The following RBFOX1 variants were observed in gnomAD, a reference collection of about 807,000 sequenced individuals.
RBFOX1 encodes the protein RNA binding protein fox-1 homolog 1.
RBFOX1 carries 8 observed loss-of-function variants against 57.7 expected under a neutral mutation model. The ratio of observed to expected loss-of-function variants is 0.14; its 90% CI spans 0.08 to 0.25. RBFOX1 has a LOEUF of 0.25. Among genes scored for constraint, RBFOX1 ranks in the 10% least tolerant of loss-of-function variants. The probability of loss-of-function intolerance (pLI) is 1.00; values close to 1 mark genes in which losing one functional copy is unlikely to be tolerated. For missense variants in RBFOX1, 611 were observed against 548.5 expected (o/e 1.11, Z -1.14); for synonymous variants, 326 against 222.4 (o/e 1.47, Z -4.15).
In RBFOX1 at chr16:5,387,919, C is replaced by G. The variant is rs940744115; in HGVS notation, c.220-79297C>G. Among the ~76,000 whole-genome samples the G allele has an allele frequency of 6.6e-5, 10 of 152,164 alleles. 1 individual carries two copies. In the South Asian group the frequency reaches 8.3e-4, roughly 13 times the overall value. The stretch of plus-strand genomic sequence containing the variant: ...ACAGCAGGCTCAGAATCAGAGCGAT[C>G]TCATGGGAGAGAAACTCCGTGGTCT... On this transcript the variant is annotated intron_variant, in intron 1 of 2. Coordinates refer to the RBFOX1 transcript ENST00000585867.
At chr16:6,695,955 C>T (rs1485245665) in intron 3 of RBFOX1, among the ~76,000 whole-genome samples, 1 of 152,112 alleles carries the variant, frequency 6.6e-6, no homozygotes, top group Non-Finnish European at 1.5e-5. Context: ...AACCACATTG[C>T]AATAAGCTTT....
At position 7,216,454 on chromosome 16, in the gene RBFOX1, A is replaced by C. The variant is rs530131755; in HGVS notation, c.27+164356A>C. The stretch of plus-strand genomic sequence containing the variant: ...AGGATTGCTTGAGACCGAAAGTTCT[A>C]GACCAGTCTGGGAGTCAGAGTGAGA... On this transcript the variant is annotated intron_variant, in intron 4 of 15. Coordinates refer to ENST00000550418, the MANE Select transcript of RBFOX1 (RefSeq NM_018723.4). Among the ~76,000 whole-genome samples, 8 of 152,286 alleles carry C rather than the reference A, an allele frequency of 5.3e-5. No individual in the cohort carries two copies. The South Asian group carries it at 1.5e-3, about 28-fold the overall frequency.
chr16:5,965,858 G>C (rs576108887), intron 4 of RBFOX1, among the ~76,000 whole-genome samples: 2 of 151,952 alleles, frequency 1.3e-5, no homozygotes, highest in African/African-American at 4.8e-5. Context: ...GTCTTTCTAC[G>C]TCAATCCTCC....
intron 4 of RBFOX1, among the ~76,000 whole-genome samples, chr16:5,959,216 AG>A (rs1488961141): frequency 3.3e-5 from 5 of 152,142 alleles, no homozygotes; most frequent in African/African-American, 1.2e-4. Flanking sequence ...TGCTCACTTG[AG>A]TTTAACCATT....
intron 4 of RBFOX1, among the ~76,000 whole-genome samples, chr16:7,417,279 A>G (rs2098487794): frequency 6.6e-6 from 1 of 150,464 alleles, no homozygotes; most frequent in Non-Finnish European, 1.5e-5. Context: ...AAACTGAGAC[A>G]GGGGAATCAC....
At chr16:6,361,617 G>C (rs1284292347) in intron 2 of RBFOX1, among the ~76,000 whole-genome samples, 1 of 145,490 alleles carries the variant, frequency 6.9e-6, no homozygotes, top group African/African-American at 2.7e-5. Flanking sequence ...GACACATTGA[G>C]ACTCTGTCTC....
chr16:6,107,952 C>T (rs991242681), intron 1 of RBFOX1, among the ~76,000 whole-genome samples: 12 of 151,984 alleles, frequency 7.9e-5, no homozygotes, highest in African/African-American at 2.7e-4. Flanking sequence ...GCCTTTCTTG[C>T]CTTATCAATT....
At chr16:6,633,647 C>T (rs1252834618) in intron 2 of RBFOX1, among the ~76,000 whole-genome samples, 1 of 152,042 alleles carries the variant, frequency 6.6e-6, no homozygotes, top group African/African-American at 2.4e-5. Flanking sequence ...TAAAGGAAGT[C>T]AAGTAGTTAC....
intron 3 of RBFOX1, among the ~76,000 whole-genome samples, chr16:6,697,330 G>A (rs1235960196): frequency 6.6e-6 from 1 of 152,088 alleles, no homozygotes; most frequent in Non-Finnish European, 1.5e-5. Context: ...CTTGCCAGAG[G>A]AAGTCATATT....
intron 2 of RBFOX1, among the ~76,000 whole-genome samples, chr16:6,637,310 T>TTATGTTA (rs2098449228): frequency 2.0e-5 from 1 of 50,822 alleles, no homozygotes; most frequent in Non-Finnish European, 3.2e-5. Flanking sequence ...CAAATATATA[T>TTATGTTA]TATATATTAT....
rs2096178749 is a variant in RBFOX1 at position 7,306,135 on chromosome 16, A to G, written c.28-212012A>G. Among the ~76,000 whole-genome samples, 3 of 152,100 alleles carry G rather than the reference A, an allele frequency of 2.0e-5. No individual in the cohort carries two copies. The South Asian group carries it at 6.2e-4, about 32-fold the overall frequency. On this transcript the variant is annotated intron_variant, in intron 4 of 15. Coordinates refer to ENST00000550418, the MANE Select transcript of RBFOX1 (RefSeq NM_018723.4). The stretch of plus-strand genomic sequence containing the variant: ...AGCAAGTAGAATGCTATAGGTACTC[A>G]ATGTTCTCCGTTCCTTTGTGTGGTG...
intron 3 of RBFOX1, among the ~76,000 whole-genome samples, chr16:5,849,163 A>T (rs970448616): frequency 6.6e-6 from 1 of 151,814 alleles, no homozygotes; most frequent in African/African-American, 2.4e-5. Flanking sequence ...CATTGAACTC[A>T]TATTTCTTCT....
At chr16:5,402,588 T>A (rs1279953580) in intron 1 of RBFOX1, among the ~76,000 whole-genome samples, 1 of 152,244 alleles carries the variant, frequency 6.6e-6, no homozygotes, top group Admixed American at 6.5e-5. Flanking sequence ...TTCAGTTGAT[T>A]CCCTTGGGAA....
chr16:5,264,151 G>T (rs1000626442), intron 1 of RBFOX1, among the ~76,000 whole-genome samples: 1 of 152,088 alleles, frequency 6.6e-6, no homozygotes, highest in African/African-American at 2.4e-5. Flanking sequence ...GAGGGATGAG[G>T]AGGCAGGAGA....
At chr16:5,693,171 T>C (rs763401949) in intron 3 of RBFOX1, among the ~76,000 whole-genome samples, 1 of 152,132 alleles carries the variant, frequency 6.6e-6, no homozygotes, top group Non-Finnish European at 1.5e-5. Flanking sequence ...TTGCTTTCCC[T>C]TCCCTGAGAT....
intron 4 of RBFOX1, among the ~76,000 whole-genome samples, chr16:7,310,673 C>T (rs1216313834): frequency 7.2e-5 from 11 of 152,220 alleles, no homozygotes; most frequent in Admixed American, 5.9e-4. Context: ...AATTAACTTA[C>T]ATATTAAACA....
At chr16:7,101,366 A>G (rs181319635) in intron 4 of RBFOX1, among the ~76,000 whole-genome samples, 2 of 152,348 alleles carry the variant, frequency 1.3e-5, no homozygotes, top group Non-Finnish European at 2.9e-5. Context: ...GAAGAAATGT[A>G]ATACTCATCA....
intron 4 of RBFOX1, among the ~76,000 whole-genome samples, chr16:7,144,626 G>T (rs548686029): frequency 6.6e-6 from 1 of 151,914 alleles, no homozygotes. Flanking sequence ...TGAACATTTA[G>T]TGATGCCATA....
chr16:5,996,812 A>T (rs1407133662), intron 4 of RBFOX1, among the ~76,000 whole-genome samples: 1 of 152,104 alleles, frequency 6.6e-6, no homozygotes, highest in African/African-American at 2.4e-5. Context: ...CATCTCTGCT[A>T]GTGCTCTCCA....
Sources: gnomAD v4.1 joint callset for allele counts (sites outside exome capture counted in the v4.1 genomes callset) on GRCh38, gnomAD v4.1.1 for gene constraint, MANE v1.5 for transcripts, NCBI Gene and HGNC (gene_info 2026-07-23, HGNC 2026-07-21) for gene names.